Variants in HDX observed in about 807,000 individuals in gnomAD.
HDX encodes the protein chromosome X open reading frame 43.
A neutral mutation model predicts 45.2 loss-of-function variants in HDX; 19 were observed. The ratio of observed to expected loss-of-function variants is 0.42; its 90% CI spans 0.29 to 0.62. HDX has a LOEUF of 0.62. Ranked by LOEUF, HDX falls within the 20% of genes least tolerant of loss-of-function variation. The probability of loss-of-function intolerance (pLI) is 0.20; values close to 1 mark genes in which losing one functional copy is unlikely to be tolerated. For missense variants in HDX, 532 were observed against 493.9 expected (o/e 1.08, Z -0.73); for synonymous variants, 188 against 172.8 (o/e 1.09, Z -0.69).
intron 4 of HDX, among the ~76,000 whole-genome samples, chrX:84,461,927 T>A (rs765407591): frequency 9.4e-4 from 106 of 112,296 alleles, no homozygotes; most frequent in Non-Finnish European, 1.6e-3. Flanking sequence ...GTTCTCCACA[T>A]CATTAATCAT....
At chrX:84,347,455 C>A (rs1207338586) in intron 6 of HDX, among the ~76,000 whole-genome samples, 2 of 111,496 alleles carry the variant, frequency 1.8e-5, no homozygotes, top group Non-Finnish European at 3.8e-5. Flanking sequence ...TTGCTCTCAG[C>A]ACTACTTATC....
At chrX:84,479,062 A>C (rs777520157) in intron 2 of HDX, among the ~76,000 whole-genome samples, 1 of 111,734 alleles carries the variant, frequency 8.9e-6, no homozygotes, top group Admixed American at 9.5e-5. Flanking sequence ...TGTACTTTTT[A>C]TCCATTATTA....
chrX:84,501,823 C>T (rs2041124658), intron 1 of HDX, among the ~76,000 whole-genome samples: 1 of 111,517 alleles, frequency 9.0e-6, no homozygotes, highest in Non-Finnish European at 1.9e-5. Context: ...TCAGCCCCAC[C>T]TCTTCCAGTG....
At chrX:84,336,987 G>A (rs1460122605) in intron 7 of HDX, 107 bp from the exon 8 acceptor site, 2 of 509,579 alleles carry the variant, frequency 3.9e-6, no homozygotes, top group East Asian at 3.8e-5. Flanking sequence ...AGACACAAAT[G>A]GCAAATTCAT....
At chrX:84,356,894 T>C (rs2037500779) in intron 6 of HDX, among the ~76,000 whole-genome samples, 1 of 111,189 alleles carries the variant, frequency 9.0e-6, no homozygotes, top group Non-Finnish European at 1.9e-5. Context: ...GTGCTGGGAT[T>C]ACAGGCGTGA....
intron 2 of HDX, among the ~76,000 whole-genome samples, chrX:84,481,608 C>T (rs2058767684): frequency 9.0e-6 from 1 of 111,613 alleles, no homozygotes; most frequent in Admixed American, 9.5e-5. Flanking sequence ...GTCTGTTTTC[C>T]CTCTCTACAG....
intron 1 of HDX, among the ~76,000 whole-genome samples, chrX:84,490,879 T>C (rs7892680): frequency 0.39 from 42,486 of 109,391 alleles, 7,249 homozygotes; most frequent in African/African-American, 0.65. Context: ...TTTTCTGTGT[T>C]GCATTGTTTC....
chrX:84,410,223 T>A (rs2147983304), intron 5 of HDX, among the ~76,000 whole-genome samples: 1 of 111,147 alleles, frequency 9.0e-6, no homozygotes, highest in South Asian at 3.8e-4. Flanking sequence ...AGATCATTTT[T>A]GTCTTGTTCC....
At position 84,468,530 on chromosome X, in the gene HDX, G is replaced by C; in HGVS notation, c.1193C>G (p.Ser398Cys). 1 of 1,178,661 alleles carries C rather than the reference G, an allele frequency of 8.5e-7. No homozygotes were observed. Among genetic ancestry groups the C allele is most frequent in the African/African-American group, 1.7e-5 (1 of 57,168 alleles). Residue 398 changes from serine (S) to cysteine (C), a missense_variant, in exon 4 of 11, where the codon TCT (serine) becomes TGT (cysteine). Transcript: ENST00000373177. ...TTGGTTTGATGATGCAAAATGAGGA[G>C]AAAAATTACTCCGTAATGGATTGGT... ...SNTNPLRSNF[S>C]PHFASSNQLR... is the part of the protein sequence containing the mutation.
rs550047255 is a variant in HDX at position 84,384,450 on chromosome X, A to T, written c.1306-22838T>A. Among the ~76,000 whole-genome samples, 15 of 107,133 alleles carry T rather than the reference A, an allele frequency of 1.4e-4. No individual in the cohort carries two copies. In the South Asian group the frequency reaches 5.3e-3, roughly 38 times the overall value. 93.0% of individuals were successfully genotyped at this position (107,133 alleles called of 115,157 possible). On this transcript the variant is annotated intron_variant, in intron 5 of 10. Coordinates refer to ENST00000373177, the MANE Select transcript of HDX (RefSeq NM_001177479.2). ...TTTGTAGTATGCACAGTTTGTGAAT[A>T]TTTTTTTCCCATTCTGTGGGTTGTC...
rs1383041429 is a variant in HDX at position 84,319,171 on chromosome X, C to T, written c.*2718G>A. ...GTTTTTTGTTTTTTGTTTTTTTCCA[C>T]ATTGGCTTCTGTCTCCCTGAGAGAG... is the stretch of plus-strand genomic sequence containing the variant. On this transcript the variant is annotated 3_prime_UTR_variant, in exon 11 of 11. Coordinates refer to ENST00000373177, the MANE Select transcript of HDX (RefSeq NM_001177479.2). 1 of 110,035 alleles carries T rather than the reference C, an allele frequency of 9.1e-6. No homozygotes were observed. The highest frequency in any genetic ancestry group is 1.9e-5 in the Non-Finnish European group (1 of 52,235). The allele number at this position is 110,035 out of a possible 1,213,427, so 9.1% of individuals were successfully genotyped here.
chrX:84,333,675 T>TTAAATAGG, intron 9 of HDX, 84 bp downstream of exon 9: 1 of 430,256 alleles, frequency 2.3e-6, no homozygotes, highest in Non-Finnish European at 4.2e-6. Flanking sequence ...GCTTAACTTA[T>TTAAATAGG]TAAATAGGAG....
intron 5 of HDX, among the ~76,000 whole-genome samples, chrX:84,368,697 C>T (rs1235952454): frequency 9.0e-6 from 1 of 111,661 alleles, no homozygotes; most frequent in African/African-American, 3.3e-5. Context: ...ACTGTTGTGC[C>T]ACCCATCTCT....
chrX:84,364,989 C>T (rs1417429872), intron 5 of HDX, among the ~76,000 whole-genome samples: 1 of 111,088 alleles, frequency 9.0e-6, no homozygotes, highest in East Asian at 2.8e-4. Flanking sequence ...GAAACATTTT[C>T]TCTGTTTTTT....
At position 84,491,011 on chromosome X, in the gene HDX, C is replaced by T. The variant is rs1218467538; in HGVS notation, c.-109-2879G>A. Among the ~76,000 whole-genome samples the T allele has an allele frequency of 6.3e-5, 7 of 110,617 alleles. No homozygotes were observed. In the East Asian group the frequency reaches 2.0e-3, roughly 31 times the overall value. ...TTTCAATTATTAGAGTATGAAATACCTTGGTGCCATTTTCTTCATCGTTCT... is the reference window on the plus strand; with the variant it reads ...TTTCAATTATTAGAGTATGAAATACTTTGGTGCCATTTTCTTCATCGTTCT... On this transcript the variant is annotated intron_variant, in intron 1 of 10. Transcript: ENST00000373177.
At chrX:84,353,005 A>G (rs1216180182) in intron 6 of HDX, among the ~76,000 whole-genome samples, 23 of 111,841 alleles carry the variant, frequency 2.1e-4, no homozygotes, top group Non-Finnish European at 1.1e-4. Context: ...GTTTCTATTT[A>G]TCTTCCACTT....
intron 2 of HDX, among the ~76,000 whole-genome samples, chrX:84,477,719 T>C (rs2040584683): frequency 8.9e-6 from 1 of 112,106 alleles, no homozygotes; most frequent in African/African-American, 3.2e-5. Flanking sequence ...AGTTTCTTAA[T>C]CATTTGCAAC....
At chrX:84,350,834 C>T (rs2037331981) in intron 6 of HDX, among the ~76,000 whole-genome samples, 1 of 111,580 alleles carries the variant, frequency 9.0e-6, no homozygotes, top group Non-Finnish European at 1.9e-5. Context: ...GCAATTATTT[C>T]TATGTTAAAG....
At chrX:84,329,362 G>A (rs1045990310) in intron 9 of HDX, among the ~76,000 whole-genome samples, 2 of 111,588 alleles carry the variant, frequency 1.8e-5, no homozygotes, top group African/African-American at 6.5e-5. Flanking sequence ...ATACATTATT[G>A]GTGAAAGTGT....
Sources: allele counts gnomAD v4.1 joint callset (sites outside exome capture counted in the v4.1 genomes callset), GRCh38; gene constraint gnomAD v4.1.1; transcripts MANE v1.5; gene names NCBI Gene and HGNC (gene_info 2026-07-23, HGNC 2026-07-21).